The following RALGAPA1 variants were observed in gnomAD, a reference collection of about 807,000 sequenced individuals.
The protein encoded by RALGAPA1 is Ral GTPase activating protein catalytic subunit alpha 1.
RALGAPA1 carries 52 observed loss-of-function variants against 269.6 expected under a neutral mutation model. That is an observed-to-expected ratio of 0.19 (90% CI 0.15 to 0.24). The LOEUF (loss-of-function observed/expected upper bound fraction) is 0.24. Among genes scored for constraint, RALGAPA1 ranks in the 10% least tolerant of loss-of-function variants. The probability of loss-of-function intolerance (pLI) is 1.00; values close to 1 mark genes in which losing one functional copy is unlikely to be tolerated. For missense variants in RALGAPA1, 1,917 were observed against 3,013.9 expected, an observed-to-expected ratio of 0.64 and a Z score of 8.52; for synonymous variants, 817 against 1,008.3, an observed-to-expected ratio of 0.81 and a Z score of 3.60.
chr14:35,546,810 T>G (rs1175646220), intron 41 of RALGAPA1, among the ~76,000 whole-genome samples: 1 of 152,116 alleles, frequency 6.6e-6, no homozygotes, highest in Non-Finnish European at 1.5e-5. Flanking sequence ...CTCTGTCCAC[T>G]TTGACTTATA....
intron 39 of RALGAPA1, among the ~76,000 whole-genome samples, chr14:35,562,767 A>T (rs2056374082): frequency 6.6e-6 from 1 of 151,870 alleles, no homozygotes; most frequent in Non-Finnish European, 1.5e-5. Context: ...CACACCTGTA[A>T]TCCCAGCACT....
intron 39 of RALGAPA1, chr14:35,564,376 GT>G (rs1241924729): frequency 6.6e-6 from 1 of 152,100 alleles, no homozygotes; most frequent in East Asian, 1.9e-4. Flanking sequence ...CCCCCAAAAG[GT>G]TTTATAATGT....
chr14:35,799,595 T>C (rs995769357), intron 1 of RALGAPA1, among the ~76,000 whole-genome samples: 4 of 149,424 alleles, frequency 2.7e-5, no homozygotes, highest in East Asian at 1.9e-4. Context: ...GTATATACTA[T>C]AAATCATAAA....
intron 27 of RALGAPA1, among the ~76,000 whole-genome samples, chr14:35,662,747 GA>G (rs2063624463): frequency 6.6e-6 from 1 of 151,960 alleles, no homozygotes; most frequent in Non-Finnish European, 1.5e-5. Context: ...CTGAATAAAA[GA>G]AACCATAGCT....
At chr14:35,730,791 C>T (rs1166964499) in intron 12 of RALGAPA1, among the ~76,000 whole-genome samples, 1 of 152,176 alleles carries the variant, frequency 6.6e-6, no homozygotes, top group African/African-American at 2.4e-5. Flanking sequence ...GATGGGCCTT[C>T]CCTACTCATC....
At position 35,700,308 on chromosome 14, in the gene RALGAPA1, A is replaced by G. The variant is rs1025579888; in HGVS notation, c.2267-6T>C. The G allele has an allele frequency of 1.3e-6, 2 of 1,505,284 alleles. No individual in the cohort carries two copies. The highest frequency in any genetic ancestry group is 2.8e-5 in the African/African-American group (2 of 71,346). 93.2% of individuals were successfully genotyped at this position (1,505,284 alleles called of 1,614,324 possible). ...AATGGATCGGCTTCTCATGGCTTTA[A>G]AAAAGGAAAAGAAAGAAGTGGGGAA... On this transcript the variant is annotated splice_region_variant and splice_polypyrimidine_tract_variant and intron_variant, in intron 16 of 41. Transcript: ENST00000680220.
chr14:35,691,181 C>T (rs1028205726), intron 17 of RALGAPA1, among the ~76,000 whole-genome samples: 1 of 151,710 alleles, frequency 6.6e-6, no homozygotes, highest in Non-Finnish European at 1.5e-5. Flanking sequence ...GGTTAAGTTA[C>T]TTTATCAAAT....
chr14:35,708,655 G>GT (rs2068022970), intron 16 of RALGAPA1, among the ~76,000 whole-genome samples: 1 of 152,160 alleles, frequency 6.6e-6, no homozygotes, highest in Non-Finnish European at 1.5e-5. Context: ...TGGTAAGAAT[G>GT]TAAGTTAGTA....
intron 35 of RALGAPA1, among the ~76,000 whole-genome samples, chr14:35,612,692 C>T (rs1193461670): frequency 6.6e-6 from 1 of 151,894 alleles, no homozygotes; most frequent in Non-Finnish European, 1.5e-5. Flanking sequence ...GCGCCCGCCA[C>T]CACGCCCCGC....
intron 1 of RALGAPA1, among the ~76,000 whole-genome samples, chr14:35,802,151 C>G (rs1191389210): frequency 6.6e-6 from 1 of 152,022 alleles, no homozygotes; most frequent in Non-Finnish European, 1.5e-5. Flanking sequence ...CTACTACAAA[C>G]ACAAAAATCA....
At chr14:35,583,939 C>T (rs1396600081) in intron 37 of RALGAPA1, among the ~76,000 whole-genome samples, 4 of 152,090 alleles carry the variant, frequency 2.6e-5, no homozygotes, top group African/African-American at 9.7e-5. Flanking sequence ...TGTAGACCTA[C>T]CTTTCAAGAA....
intron 33 of RALGAPA1, among the ~76,000 whole-genome samples, chr14:35,632,598 TCCTTTGGAG>T (rs2061426224): frequency 6.6e-6 from 1 of 152,176 alleles, no homozygotes; most frequent in South Asian, 2.1e-4. Context: ...ACAGAATGAA[TCCTTTGGAG>T]CCTCCTTTCA....
intron 39 of RALGAPA1, among the ~76,000 whole-genome samples, chr14:35,557,109 TG>T (rs1411093423): frequency 4.7e-5 from 7 of 148,454 alleles, no homozygotes; most frequent in Non-Finnish European, 8.9e-5. Flanking sequence ...TGTGTGTGTG[TG>T]TGTGTGTGTG....
intron 16 of RALGAPA1, among the ~76,000 whole-genome samples, chr14:35,714,087 T>A (rs1403766376): frequency 6.8e-6 from 1 of 147,260 alleles, no homozygotes; most frequent in African/African-American, 2.5e-5. Flanking sequence ...AGAGCAAGAC[T>A]CCGTCTAAAA....
chr14:35,541,207 G>A (rs768667787), intron 41 of RALGAPA1, among the ~76,000 whole-genome samples: 2 of 151,534 alleles, frequency 1.3e-5, no homozygotes, highest in Non-Finnish European at 2.9e-5. Flanking sequence ...CACCACGCCC[G>A]GCTAATTTTT....
intron 29 of RALGAPA1, among the ~76,000 whole-genome samples, chr14:35,655,129 A>G (rs10134646): frequency 0.17 from 26,052 of 152,022 alleles, 2,549 homozygotes; most frequent in African/African-American, 0.26. Flanking sequence ...TAGTATTTAC[A>G]ATTTTTTCCT....
chr14:35,695,523 C>T (rs2066832749), intron 17 of RALGAPA1, among the ~76,000 whole-genome samples: 1 of 152,038 alleles, frequency 6.6e-6, no homozygotes, highest in Non-Finnish European at 1.5e-5. Flanking sequence ...AGATCAGTCC[C>T]CAACATTAGC....
intron 31 of RALGAPA1, among the ~76,000 whole-genome samples, chr14:35,651,568 G>C (rs919622986): frequency 2.6e-4 from 40 of 152,176 alleles, no homozygotes; most frequent in African/African-American, 9.2e-4. Flanking sequence ...GAGGTGGACA[G>C]AATGTCCTCT....
At chr14:35,585,885 T>G (rs1305305221) in intron 37 of RALGAPA1, among the ~76,000 whole-genome samples, 1 of 152,228 alleles carries the variant, frequency 6.6e-6, no homozygotes, top group African/African-American at 2.4e-5. Context: ...TCAGGTAGCG[T>G]GATGCCTCCA....
Sources: allele counts gnomAD v4.1 joint callset (sites outside exome capture counted in the v4.1 genomes callset), GRCh38; gene constraint gnomAD v4.1.1; transcripts MANE v1.5; gene names NCBI Gene and HGNC (gene_info 2026-07-23, HGNC 2026-07-21).